TCF7L2: variants seen among roughly 807,000 people sequenced by gnomAD.
TCF7L2 encodes the protein transcription factor 7-like 2.
A neutral mutation model predicts 77.9 loss-of-function variants in TCF7L2; 23 were observed. The ratio of observed to expected loss-of-function variants is 0.30; its 90% CI spans 0.21 to 0.42. TCF7L2 has a LOEUF of 0.42. TCF7L2 is among the 10% of genes least tolerant of loss of function. The probability of loss-of-function intolerance (pLI) is 1.00; values close to 1 mark genes in which losing one functional copy is unlikely to be tolerated. For missense variants in TCF7L2, 654 were observed against 793.1 expected (o/e 0.82, Z 2.11); for synonymous variants, 413 against 340.2 (o/e 1.21, Z -2.36).
chr10:112,999,311 C>T (rs1463292488), intron 4 of TCF7L2, among the ~76,000 whole-genome samples: 1 of 152,274 alleles, frequency 6.6e-6, no homozygotes, highest in Non-Finnish European at 1.5e-5. Flanking sequence ...TTGGAAGCCC[C>T]ATCCCTGATT....
chr10:113,022,402 C>T (rs151263398), intron 4 of TCF7L2, among the ~76,000 whole-genome samples: 2 of 152,162 alleles, frequency 1.3e-5, no homozygotes, highest in South Asian at 2.1e-4. Flanking sequence ...TTAGAACACC[C>T]GGCCTGCAGC....
chr10:113,104,182 G>T (rs989157844), intron 5 of TCF7L2, among the ~76,000 whole-genome samples: 1 of 152,134 alleles, frequency 6.6e-6, no homozygotes, highest in Admixed American at 6.5e-5. Context: ...CCTAATCCTC[G>T]TGGGAGCTTG....
rs1390030525 is a variant in TCF7L2 at position 112,950,516 on chromosome 10, CGA to C, written c.-236_-235del. The stretch of plus-strand genomic sequence containing the variant: ...TGCACATTGATCGGATCCTTGGGAA[CGA>C]GAGAAAAAAGAAACCCAAACTCACG... On this transcript the variant is annotated 5_prime_UTR_variant, in exon 1 of 14. Coordinates refer to ENST00000627217, the MANE Select transcript of TCF7L2 (RefSeq NM_001146274.2). 2.4e-6 allele frequency: 1 copy of C among 410,654 alleles called. No individual in the cohort carries two copies. The highest frequency in any genetic ancestry group is 2.2e-5 in the African/African-American group (1 of 45,046). 25.4% of individuals were successfully genotyped at this position (410,654 alleles called of 1,614,324 possible). A position where few individuals can be genotyped will look rare whatever the true frequency, so the allele number is the denominator to read the frequency against.
Position 112,966,184 on chromosome 10 carries a change from T to TTTTATATATATA in TCF7L2, c.450+1561_450+1562insTTATATATATAT, listed in dbSNP as rs1554876896. 1.8e-5 allele frequency among the ~76,000 whole-genome samples: 2 copies of TTTTATATATATA among 114,278 alleles called. 1 individual carries two copies. Among genetic ancestry groups the TTTTATATATATA allele is most frequent in the African/African-American group, 9.5e-5 (2 of 21,004 alleles). The allele number at this position is 114,278 out of a possible 152,430, so 75.0% of individuals were successfully genotyped here. A position where few individuals can be genotyped will look rare whatever the true frequency, so the allele number is the denominator to read the frequency against. On this transcript the variant is annotated intron_variant, in intron 4 of 13. Coordinates refer to ENST00000627217, the MANE Select transcript of TCF7L2 (RefSeq NM_001146274.2). ...GAGTGAGACTCTGTCTAAAATATAT[T>TTTTATATATATA]TATATATATATATATATATATATAT...
rs191510242 is a variant in TCF7L2, at chr10:112,988,945, A to G, written c.450+24321A>G. Among the ~76,000 whole-genome samples, 102 of 152,314 alleles carry G rather than the reference A, an allele frequency of 6.7e-4. 1 individual carries two copies. The highest frequency in any genetic ancestry group is 2.4e-3 in the African/African-American group (99 of 41,576). On this transcript the variant is annotated intron_variant, in intron 4 of 13. Transcript: ENST00000627217. ...AAGAAAACAGAATTTCAAAGAAGGT[A>G]GGGGACTTGCCCAGGGATACATAGC...
intron 3 of TCF7L2, among the ~76,000 whole-genome samples, chr10:112,957,190 C>CCCTT (rs2033874817): frequency 1.6e-5 from 1 of 60,650 alleles, no homozygotes; most frequent in Non-Finnish European, 3.0e-5. Flanking sequence ...ACACCCCCAC[C>CCCTT]TTTTTTTTTT....
intron 5 of TCF7L2, among the ~76,000 whole-genome samples, chr10:113,052,928 A>G (rs1028672863): frequency 2.6e-5 from 4 of 152,228 alleles, no homozygotes; most frequent in Non-Finnish European, 1.5e-5. Context: ...TTTAATTTGG[A>G]AGAAGAGGGG....
intron 5 of TCF7L2, among the ~76,000 whole-genome samples, chr10:113,091,106 TG>T (rs1270644032): frequency 2.0e-5 from 3 of 152,134 alleles, no homozygotes; most frequent in Non-Finnish European, 4.4e-5. Context: ...TTTGCCATGT[TG>T]GTCAGACTGT....
chr10:113,039,027 G>A lies in TCF7L2; in HGVS notation c.451-998G>A, dbSNP rs537976700. ...TGGATTAGTGAGTTGGCCTTGAGAAGCATAAAGGCTCGTCTCCATGTGCTT... is the reference window on the plus strand; with the variant it reads ...TGGATTAGTGAGTTGGCCTTGAGAAACATAAAGGCTCGTCTCCATGTGCTT... On this transcript the variant is annotated intron_variant, in intron 4 of 13. Coordinates refer to ENST00000627217, the MANE Select transcript of TCF7L2 (RefSeq NM_001146274.2). Among the ~76,000 whole-genome samples, 31 of 152,324 alleles carry A rather than the reference G, an allele frequency of 2.0e-4. No homozygotes were observed. The South Asian group carries it at 6.0e-3, about 30-fold the overall frequency.
intron 4 of TCF7L2, among the ~76,000 whole-genome samples, chr10:112,972,006 T>A (rs2038375232): frequency 6.6e-6 from 1 of 151,914 alleles, no homozygotes; most frequent in South Asian, 2.1e-4. Context: ...CTGCAACCTC[T>A]GCCTCCTGAG....
intron 3 of TCF7L2, among the ~76,000 whole-genome samples, chr10:112,955,500 C>T (rs2033313931): frequency 6.6e-6 from 1 of 152,132 alleles, no homozygotes; most frequent in African/African-American, 2.4e-5. Context: ...TCTGAAATCC[C>T]AGAAACAAAC....
chr10:113,111,409 A>C (rs1380507615), intron 5 of TCF7L2, among the ~76,000 whole-genome samples: 1 of 152,194 alleles, frequency 6.6e-6, no homozygotes, highest in Non-Finnish European at 1.5e-5. Context: ...ATGAATCTCC[A>C]AGTGCACCTA....
intron 4 of TCF7L2, among the ~76,000 whole-genome samples, chr10:113,024,303 A>G (rs1310011429): frequency 1.3e-5 from 2 of 151,958 alleles, no homozygotes; most frequent in Non-Finnish European, 2.9e-5. Context: ...CTCTCACAAC[A>G]AAACAAAACA....
intron 7 of TCF7L2, 84 bp from the exon 8 acceptor site, chr10:113,145,927 A>G (rs1478461720): frequency 8.7e-7 from 1 of 1,148,588 alleles, no homozygotes; most frequent in Admixed American, 1.8e-5. Context: ...TACTGTGCAG[A>G]GAGAACTTTT....
At chr10:112,988,983 G>A (rs2042058444) in intron 4 of TCF7L2, among the ~76,000 whole-genome samples, 1 of 152,162 alleles carries the variant, frequency 6.6e-6, no homozygotes, top group African/African-American at 2.4e-5. Flanking sequence ...GCAAGTGGCA[G>A]CGCTGGATTG....
intron 13 of TCF7L2, among the ~76,000 whole-genome samples, chr10:113,163,784 G>C (rs1047564150): frequency 6.6e-6 from 1 of 152,024 alleles, no homozygotes; most frequent in Non-Finnish European, 1.5e-5. Flanking sequence ...ATGAATCTCA[G>C]CCTCTGGGAG....
intron 13 of TCF7L2, among the ~76,000 whole-genome samples, chr10:113,162,801 A>G (rs1456147759): frequency 1.3e-5 from 2 of 152,248 alleles, no homozygotes; most frequent in Admixed American, 1.3e-4. Flanking sequence ...ATTCCAAAAC[A>G]GGATCAGGAA....
At chr10:113,050,217 C>T (rs2054183730) in intron 5 of TCF7L2, among the ~76,000 whole-genome samples, 1 of 152,206 alleles carries the variant, frequency 6.6e-6, no homozygotes, top group Middle Eastern at 3.2e-3. Flanking sequence ...TACTCTTTGT[C>T]TTCCTGCTCT....
chr10:113,094,790 T>G (rs2060768407), intron 5 of TCF7L2, among the ~76,000 whole-genome samples: 2 of 152,202 alleles, frequency 1.3e-5, no homozygotes, highest in South Asian at 4.1e-4. Context: ...TTAATATGCT[T>G]AGCTATTGCC....
Sources: gnomAD v4.1 joint callset for allele counts (sites outside exome capture counted in the v4.1 genomes callset) on GRCh38, gnomAD v4.1.1 for gene constraint, MANE v1.5 for transcripts, NCBI Gene and HGNC (gene_info 2026-07-23, HGNC 2026-07-21) for gene names.